The following PTPRA variants were observed in gnomAD, a reference collection of about 807,000 sequenced individuals.
PTPRA encodes the protein protein tyrosine phosphatase receptor type A, also known as receptor-type tyrosine-protein phosphatase alpha.
In PTPRA, 25 loss-of-function variants were observed where a neutral mutation model predicts 104.8. The observed-to-expected ratio is 0.24, with a 90% CI of 0.17 to 0.33. The LOEUF (loss-of-function observed/expected upper bound fraction) is 0.33, where lower values mean the gene tolerates loss of function less well. Ranked by LOEUF, PTPRA falls within the 10% of genes least tolerant of loss-of-function variation. PTPRA has a pLI of 1.00. For missense variants in PTPRA, 765 were observed against 1,015.3 expected, an observed-to-expected ratio of 0.75 and a Z score of 3.35; for synonymous variants, 323 against 368.9, an observed-to-expected ratio of 0.88 and a Z score of 1.43.
rs2060163802 is a variant in PTPRA at position 2,923,302 on chromosome 20, C to A, written c.-50+17C>A. On this transcript the variant is annotated intron_variant, in intron 2 of 23. Transcript: ENST00000399903. ...ATAACTAAGGTAAGAGAAATAAAAC[C>A]AGAACTGTGAGGAGGCTTTTGCCAG... 1.6e-6 allele frequency: 2 copies of A among 1,282,928 alleles called. No homozygotes were observed. The highest frequency in any genetic ancestry group is 2.1e-4 in the Middle Eastern group (1 of 4,676). The allele number at this position is 1,282,928 out of a possible 1,614,324, so 79.5% of individuals were successfully genotyped here. A position where few individuals can be genotyped will look rare whatever the true frequency, so the allele number is the denominator to read the frequency against.
intron 11 of PTPRA, among the ~76,000 whole-genome samples, chr20:3,009,079 G>C (rs1174985699): frequency 6.6e-6 from 1 of 152,176 alleles, no homozygotes; most frequent in Non-Finnish European, 1.5e-5. Flanking sequence ...ACGACTCGTA[G>C]GTGTGGGTAA....
rs567276778 is a variant in PTPRA at position 3,022,634 on chromosome 20, C to T, written c.1329-55C>T. 15 of 1,608,112 alleles carry T rather than the reference C, an allele frequency of 9.3e-6. No individual in the cohort carries two copies. In the East Asian group the frequency reaches 3.0e-4, roughly 32 times the overall value. On this transcript the variant is annotated intron_variant, in intron 15 of 23. Coordinates refer to ENST00000399903, the MANE Select transcript of PTPRA (RefSeq NM_001385305.1). The surrounding 1 kb of genome is among the most constrained non-coding windows in gnomAD (Gnocchi z 4.6). ...CCCTGCCTGTGTTGCCCCTCCCTATCTGCTCCCACAAGGCAGGCTGGCCAT... is the reference window on the plus strand; with the variant it reads ...CCCTGCCTGTGTTGCCCCTCCCTATTTGCTCCCACAAGGCAGGCTGGCCAT...
chr20:3,025,767 G>T (rs1183580019), intron 17 of PTPRA, among the ~76,000 whole-genome samples: 1 of 150,272 alleles, frequency 6.7e-6, no homozygotes, highest in Admixed American at 6.6e-5. Flanking sequence ...TACTTGGGAG[G>T]CTGAGGCAGG....
chr20:2,917,186 AC>A (rs1244195446), intron 1 of PTPRA, among the ~76,000 whole-genome samples: 1 of 151,480 alleles, frequency 6.6e-6, no homozygotes, highest in Non-Finnish European at 1.5e-5. Flanking sequence ...CGAACTCCTG[AC>A]CCCCAAGTGA....
At chr20:2,880,306 T>G (rs1408190614) in intron 1 of PTPRA, among the ~76,000 whole-genome samples, 1 of 152,230 alleles carries the variant, frequency 6.6e-6, no homozygotes, top group African/African-American at 2.4e-5. Context: ...ACATTTAATT[T>G]AGGAATTGTC....
intron 1 of PTPRA, among the ~76,000 whole-genome samples, chr20:2,903,153 G>A (rs557010760): frequency 6.6e-6 from 1 of 152,206 alleles, no homozygotes; most frequent in East Asian, 1.9e-4. Context: ...TTTGGATTTC[G>A]GATTTTTGGG....
chr20:2,999,004 TTCA>T (rs2063520977), intron 9 of PTPRA, among the ~76,000 whole-genome samples: 1 of 151,232 alleles, frequency 6.6e-6, no homozygotes. Flanking sequence ...AGAATTAATA[TTCA>T]TCAGACATAT....
intron 5 of PTPRA, among the ~76,000 whole-genome samples, chr20:2,974,516 T>C (rs1474395794): frequency 6.6e-6 from 1 of 151,260 alleles, no homozygotes; most frequent in South Asian, 2.1e-4. Context: ...AACCTCCCCC[T>C]CCTGGGTTCA....
At position 2,909,517 on chromosome 20, in the gene PTPRA, G is replaced by A. The variant is rs1250184116; in HGVS notation, c.-128-13690G>A. Reference sequence around the variant, plus strand: ...GAATTGCTTCAACCCAGGAGGCGGAGGTTGCAGTGAGCCAAGATCATGCCA... The same window carrying A: ...GAATTGCTTCAACCCAGGAGGCGGAAGTTGCAGTGAGCCAAGATCATGCCA... On this transcript the variant is annotated intron_variant, in intron 1 of 23. Transcript: ENST00000399903. Among the ~76,000 whole-genome samples, 4 of 151,732 alleles carry A rather than the reference G, an allele frequency of 2.6e-5. No homozygotes were observed. In the East Asian group the frequency reaches 5.8e-4, roughly 22 times the overall value.
chr20:2,926,293 T>C (rs2060292179), intron 2 of PTPRA, among the ~76,000 whole-genome samples: 2 of 152,332 alleles, frequency 1.3e-5, no homozygotes, highest in Admixed American at 6.5e-5. Context: ...TCTCAGAGTT[T>C]TGGAGGCTAG....
chr20:2,880,667 G>A (rs1298945099), intron 1 of PTPRA, among the ~76,000 whole-genome samples: 2 of 152,110 alleles, frequency 1.3e-5, no homozygotes, highest in Admixed American at 6.5e-5. Flanking sequence ...AAATTTATAA[G>A]AAACATGAAC....
chr20:2,919,906 T>C (rs566385890), intron 1 of PTPRA, among the ~76,000 whole-genome samples: 1 of 152,342 alleles, frequency 6.6e-6, no homozygotes, highest in East Asian at 1.9e-4. Context: ...AGAAGAATAC[T>C]ATTTTGTAAC....
At chr20:2,991,307 G>A (rs994627570) in intron 9 of PTPRA, among the ~76,000 whole-genome samples, 5 of 151,792 alleles carry the variant, frequency 3.3e-5, no homozygotes, top group African/African-American at 4.8e-5. Context: ...GGAGGTTGCA[G>A]TGAGCCAAGG....
the PTPRA span, chr20:2,865,963 G>T: frequency 1.8e-6 from 1 of 544,860 alleles, no homozygotes; most frequent in Non-Finnish European, 3.3e-6. The surrounding 1 kb of genome is among the most constrained non-coding windows in gnomAD (Gnocchi z 5.2). Flanking sequence ...GTAATGGTGG[G>T]TGGTAGAGCA....
intron 6 of PTPRA, among the ~76,000 whole-genome samples, chr20:2,983,694 TCTTA>T (rs986241527): frequency 2.0e-5 from 3 of 152,088 alleles, no homozygotes; most frequent in African/African-American, 4.8e-5. Flanking sequence ...TTTCCACATT[TCTTA>T]CTTGAGCAAC....
intron 1 of PTPRA, among the ~76,000 whole-genome samples, chr20:2,919,633 C>T (rs2060030950): frequency 6.6e-6 from 1 of 151,508 alleles, no homozygotes; most frequent in Non-Finnish European, 1.5e-5. Context: ...AACCTCCACT[C>T]ACTCTCAAGG....
At chr20:2,872,410 C>G (rs1174424547), upstream of PTPRA, among the ~76,000 whole-genome samples, 2 of 152,240 alleles carry the variant, frequency 1.3e-5, no homozygotes, top group African/African-American at 2.4e-5. This position sits in a 1 kb window ranked among gnomAD's most constrained non-coding sequence, Gnocchi z 7.9. Flanking sequence ...CCCCGGGAAC[C>G]GCAGACTCTG....
At chr20:2,915,390 T>C (rs911243044) in intron 1 of PTPRA, among the ~76,000 whole-genome samples, 8 of 152,220 alleles carry the variant, frequency 5.3e-5, no homozygotes, top group African/African-American at 9.6e-5. Context: ...CATGTGCTTG[T>C]TGGCCATTAG....
At chr20:2,932,449 AAG>A (rs1471022330) in intron 2 of PTPRA, among the ~76,000 whole-genome samples, 5 of 152,190 alleles carry the variant, frequency 3.3e-5, no homozygotes, top group African/African-American at 1.2e-4. Flanking sequence ...TTTGTAAACA[AAG>A]GGGTATGAGG....
Sources: gnomAD v4.1 joint callset for allele counts (sites outside exome capture counted in the v4.1 genomes callset) on GRCh38, gnomAD v4.1.1 for gene constraint, Gnocchi (gnomAD v3.1) non-coding constraint, MANE v1.5 for transcripts, NCBI Gene and HGNC (gene_info 2026-07-23, HGNC 2026-07-21) for gene names.